The following FER1L6 variants were observed in gnomAD, a reference collection of about 807,000 sequenced individuals.
FER1L6 encodes the protein fer-1 like family member 6, also known as fer-1-like protein 6.
A neutral mutation model predicts 219.2 loss-of-function variants in FER1L6; 177 were observed. The observed-to-expected ratio is 0.81, with a 90% CI of 0.71 to 0.91. FER1L6 has a LOEUF of 0.91. Ranked by LOEUF, FER1L6 falls within the 40% of genes least tolerant of loss-of-function variation. The pLI, the probability that FER1L6 is intolerant of heterozygous loss-of-function variation, is 0.00. For synonymous variants in FER1L6, 768 were observed against 824.3 expected (o/e 0.93, Z 1.17); for missense variants, 2,153 against 2,259.9 (o/e 0.95, Z 0.96).
intron 34 of FER1L6, among the ~76,000 whole-genome samples, chr8:124,092,322 T>A (rs1357678657): frequency 6.6e-6 from 1 of 152,208 alleles, no homozygotes; most frequent in Non-Finnish European, 1.5e-5. Context: ...CATATTTTTG[T>A]GTGTTTCTGA....
intron 21 of FER1L6, 75 bp from the exon 22 acceptor site, chr8:124,049,532 G>T (rs1263541343): frequency 2.0e-6 from 3 of 1,493,142 alleles, no homozygotes; most frequent in Non-Finnish European, 2.8e-6. Flanking sequence ...TTTTGTGGAG[G>T]TGATGGCATT....
At chr8:123,898,868 C>CACAT (rs1358584081) in intron 1 of FER1L6, among the ~76,000 whole-genome samples, 2 of 112,134 alleles carry the variant, frequency 1.8e-5, no homozygotes, top group African/African-American at 3.0e-5. Flanking sequence ...CACACACACA[C>CACAT]ATATATATAT....
chr8:124,016,469 A>T (rs6990273), intron 15 of FER1L6, among the ~76,000 whole-genome samples: 82,746 of 148,202 alleles, frequency 0.56, 22,947 homozygotes, highest in African/African-American at 0.6. Flanking sequence ...GCTCATCATT[A>T]AAAAAAAATA....
At chr8:124,053,183 T>G (rs1820129694) in intron 22 of FER1L6, among the ~76,000 whole-genome samples, 1 of 152,068 alleles carries the variant, frequency 6.6e-6, no homozygotes, top group East Asian at 1.9e-4. Context: ...GACTGGTGGA[T>G]CCCCAAATGC....
At chr8:123,991,748 G>A (rs1369223577) in intron 12 of FER1L6, among the ~76,000 whole-genome samples, 3 of 152,122 alleles carry the variant, frequency 2.0e-5, no homozygotes, top group Non-Finnish European at 1.5e-5. Context: ...AGTGGTGAAA[G>A]TGGGCTTCCT....
chr8:124,050,069 CAG>C (rs1819939378), intron 22 of FER1L6, among the ~76,000 whole-genome samples: 1 of 152,192 alleles, frequency 6.6e-6, no homozygotes, highest in African/African-American at 2.4e-5. Context: ...GGATACAAAA[CAG>C]AGAGGAAGCA....
rs759858323 is a variant in FER1L6 at position 123,976,050 on chromosome 8, A to T, written c.836A>T (p.Asp279Val). Residue 279 changes from aspartate (D) to valine (V), a missense_variant, in exon 9 of 41, where the codon GAT (aspartate) becomes GTT (valine). Transcript: ENST00000522917. Reference sequence around the variant, plus strand: ...GTGGGTGACAGTAAGGACCTGGTGGATCCCTTTGTGGAGGTCTCCTTTGCT... The same window carrying T: ...GTGGGTGACAGTAAGGACCTGGTGGTTCCCTTTGTGGAGGTCTCCTTTGCT... ...AFVGDSKDLV[D>V]PFVEVSFAGQ... The T allele has an allele frequency of 1.2e-6, 2 of 1,613,786 alleles. No individual in the cohort carries two copies. The highest frequency in any genetic ancestry group is 3.3e-5 in the Admixed American group (2 of 59,990).
intron 1 of FER1L6, among the ~76,000 whole-genome samples, chr8:123,936,462 G>GTTT (rs779012175): frequency 0.046 from 4,489 of 97,496 alleles, 406 homozygotes; most frequent in African/African-American, 0.077. Flanking sequence ...ATTGCAGCCT[G>GTTT]TTTTTTTTTT....
intron 1 of FER1L6, among the ~76,000 whole-genome samples, chr8:123,881,616 A>C (rs1817112460): frequency 6.6e-6 from 1 of 152,164 alleles, no homozygotes; most frequent in African/African-American, 2.4e-5. Context: ...AGCCATCCTT[A>C]GACCCACACA....
chr8:123,925,401 A>G (rs1813525141), intron 1 of FER1L6, among the ~76,000 whole-genome samples: 1 of 152,250 alleles, frequency 6.6e-6, no homozygotes, highest in East Asian at 1.9e-4. Flanking sequence ...CTTTCAGGAC[A>G]GAGCTGGAAG....
chr8:123,998,677 C>T (rs976770960), intron 12 of FER1L6, among the ~76,000 whole-genome samples: 3 of 152,086 alleles, frequency 2.0e-5, no homozygotes, highest in Non-Finnish European at 4.4e-5. Context: ...CAGATGGGTC[C>T]AGAGATGTCA....
chr8:124,039,292 C>A (rs1819355706), intron 19 of FER1L6, among the ~76,000 whole-genome samples: 1 of 152,156 alleles, frequency 6.6e-6, no homozygotes, highest in Non-Finnish European at 1.5e-5. Context: ...TCAGAATGAC[C>A]CTGGCTGGCT....
At position 124,112,867 on chromosome 8, in the gene FER1L6, AG is replaced by A. The variant is rs917661596; in HGVS notation, c.5290-5976del. Among the ~76,000 whole-genome samples the A allele has an allele frequency of 5.0e-4, 76 of 152,346 alleles. 1 individual carries two copies. The highest frequency in any genetic ancestry group is 1.8e-4 in the Non-Finnish European group (12 of 68,030). Reference sequence around the variant, plus strand: ...AGACAAGGGAGATATTTTTATATAAAGATTTTTAAGATAGGGTGTATAATGT... The same window carrying A: ...AGACAAGGGAGATATTTTTATATAAAATTTTTAAGATAGGGTGTATAATGT... On this transcript the variant is annotated intron_variant, in intron 39 of 40. Transcript: ENST00000522917.
intron 11 of FER1L6, chr8:123,984,934 G>T (rs1321580450): frequency 6.6e-6 from 1 of 152,202 alleles, no homozygotes; most frequent in African/African-American, 2.4e-5. Flanking sequence ...AGCACAGAAT[G>T]TATGGGTCCA....
intron 1 of FER1L6, among the ~76,000 whole-genome samples, chr8:123,930,950 C>A (rs1813740755): frequency 6.6e-6 from 1 of 152,162 alleles, no homozygotes; most frequent in South Asian, 2.1e-4. Context: ...ACCTCCACCC[C>A]ACTGGGGTTC....
intron 35 of FER1L6, 63 bp downstream of exon 35, chr8:124,095,101 CATCCAGGAACA>C (rs1269034277): frequency 2.5e-6 from 4 of 1,586,334 alleles, no homozygotes; most frequent in Admixed American, 3.5e-5. Flanking sequence ...TAATGGTTTT[CATCCAGGAACA>C]ATTTTGACCT....
At chr8:123,980,866 G>C (rs529243460) in intron 11 of FER1L6, 55 bp downstream of exon 11, 1 of 1,418,244 alleles carries the variant, frequency 7.1e-7, no homozygotes, top group South Asian at 1.3e-5. Context: ...CCAGAGCAGG[G>C]ACTGCCCCTG....
intron 14 of FER1L6, among the ~76,000 whole-genome samples, chr8:124,011,388 C>CT (rs1284576001): frequency 6.6e-6 from 1 of 152,120 alleles, no homozygotes; most frequent in Non-Finnish European, 1.5e-5. Context: ...AGGGGTCTTG[C>CT]TTTGTCACTC....
At chr8:124,062,144 G>A in intron 25 of FER1L6, 112 bp downstream of exon 25, 1 of 1,132,142 alleles carries the variant, frequency 8.8e-7, no homozygotes, top group Non-Finnish European at 1.3e-6. Flanking sequence ...GTGGCTGGGT[G>A]GATCTTTCTG....
Sources: gnomAD v4.1 joint callset for allele counts (sites outside exome capture counted in the v4.1 genomes callset) on GRCh38, gnomAD v4.1.1 for gene constraint, MANE v1.5 for transcripts, NCBI Gene and HGNC (gene_info 2026-07-23, HGNC 2026-07-21) for gene names.